Variants in GABRR1 observed in about 807,000 individuals in gnomAD.
GABRR1 encodes gamma-aminobutyric acid receptor subunit rho-1.
In GABRR1, 59 loss-of-function variants were observed where a neutral mutation model predicts 55.5. The ratio of observed to expected loss-of-function variants is 1.06; its 90% CI spans 0.86 to 1.32. The LOEUF (loss-of-function observed/expected upper bound fraction) is 1.32. GABRR1 is among the 40% of genes most tolerant of loss of function. GABRR1 has a pLI of 0.00. For missense variants in GABRR1, 602 were observed against 619.1 expected (o/e 0.97, Z 0.29); for synonymous variants, 213 against 226.0 (o/e 0.94, Z 0.51).
intron 1 of GABRR1, among the ~76,000 whole-genome samples, chr6:89,205,148 C>T (rs1013077429): frequency 6.6e-6 from 1 of 152,152 alleles, no homozygotes; most frequent in Non-Finnish European, 1.5e-5. Flanking sequence ...GTCATTATCC[C>T]CATTTTATAT....
At chr6:89,214,334 G>T (rs1397090787) in intron 1 of GABRR1, among the ~76,000 whole-genome samples, 1 of 90,206 alleles carries the variant, frequency 1.1e-5, no homozygotes, top group African/African-American at 4.8e-5. Context: ...CACAATATTG[G>T]TCTAGGCAGT....
chr6:89,219,302 A>G (rs1773077689), upstream of GABRR1, among the ~76,000 whole-genome samples: 1 of 152,172 alleles, frequency 6.6e-6, no homozygotes, highest in African/African-American at 2.4e-5. Flanking sequence ...CACTTTTAGA[A>G]GTCCAAGCTA....
intron 1 of GABRR1, among the ~76,000 whole-genome samples, chr6:89,227,000 C>G (rs1316108849): frequency 2.3e-5 from 1 of 44,000 alleles, no homozygotes; most frequent in Non-Finnish European, 4.0e-5. Context: ...AAGTTGGATT[C>G]CTAGGTATTT....
intron 1 of GABRR1, among the ~76,000 whole-genome samples, chr6:89,213,679 A>G (rs967031392): frequency 6.6e-6 from 1 of 152,242 alleles, no homozygotes; most frequent in South Asian, 2.1e-4. Flanking sequence ...TCAAATGATA[A>G]TTCTATTGAC....
chr6:89,206,151 A>G (rs1342447678), intron 1 of GABRR1, among the ~76,000 whole-genome samples: 1 of 151,854 alleles, frequency 6.6e-6, no homozygotes, highest in African/African-American at 2.4e-5. Flanking sequence ...TACTTAGCAT[A>G]TGGGAGGCAG....
rs78579027 is a variant in GABRR1, at chr6:89,205,301, A to C, written c.123-1816T>G. 1.3e-3 allele frequency among the ~76,000 whole-genome samples: 204 copies of C among 152,324 alleles called. 1 individual carries two copies. The highest frequency in any genetic ancestry group is 4.7e-3 in the African/African-American group (194 of 41,574). ...AAGATTTGCCTCCCACTGCCAGGAA[A>C]TTGGCTTAGATGTGGAAGGTCTGAG... On this transcript the variant is annotated intron_variant, in intron 1 of 9. Coordinates refer to ENST00000454853, the MANE Select transcript of GABRR1 (RefSeq NM_002042.5).
Position 89,203,395 on chromosome 6 carries a change from A to G in GABRR1, c.173+40T>C, listed in dbSNP as rs748283657. 6 of 1,573,770 alleles carry G rather than the reference A, an allele frequency of 3.8e-6. No individual in the cohort carries two copies. The African/African-American group carries it at 8.1e-5, about 21-fold the overall frequency. On this transcript the variant is annotated intron_variant, in intron 2 of 9. Coordinates refer to ENST00000454853, the MANE Select transcript of GABRR1 (RefSeq NM_002042.5). ...TCACTACAGTTGAGGTTCACGGAGGAAACATCTGCAGAACAGTGTGCACGT... is the reference window on the plus strand; with the variant it reads ...TCACTACAGTTGAGGTTCACGGAGGGAACATCTGCAGAACAGTGTGCACGT...
At chr6:89,207,080 T>C (rs1355580834) in intron 1 of GABRR1, among the ~76,000 whole-genome samples, 1 of 152,198 alleles carries the variant, frequency 6.6e-6, no homozygotes, top group East Asian at 1.9e-4. Flanking sequence ...TAAATTAGAC[T>C]CAAGAGACAT....
chr6:89,196,822 G>GGAAGGAAAGAAAGAAAGAAAGAAA (rs1262381146), intron 5 of GABRR1, among the ~76,000 whole-genome samples: 5 of 91,122 alleles, frequency 5.5e-5, no homozygotes, highest in South Asian at 4.8e-4. Context: ...AAGAAAAGAA[G>GGAAGGAAAGAAAGAAAGAAAGAAA]GAAAGAAAGA....
At chr6:89,197,559 A>G (rs556136574) in intron 5 of GABRR1, among the ~76,000 whole-genome samples, 1 of 152,378 alleles carries the variant, frequency 6.6e-6, no homozygotes, top group African/African-American at 2.4e-5. Flanking sequence ...ATGGCACGTC[A>G]AGTCATAAAG....
At chr6:89,218,443 T>C (rs1470299434), upstream of GABRR1, among the ~76,000 whole-genome samples, 1 of 152,262 alleles carries the variant, frequency 6.6e-6, no homozygotes, top group East Asian at 1.9e-4. Context: ...TTGTGCTATC[T>C]GTAATTCACA....
rs540034882 is a variant in GABRR1, at chr6:89,184,577, G to A, written c.796+733C>T. Among the ~76,000 whole-genome samples the A allele has an allele frequency of 4.5e-4, 68 of 152,262 alleles. No homozygotes were observed. The South Asian group carries it at 0.013, about 30-fold the overall frequency. On this transcript the variant is annotated intron_variant, in intron 7 of 9. Coordinates refer to ENST00000454853, the MANE Select transcript of GABRR1 (RefSeq NM_002042.5). ...TAGCAAGAGCAGACTGGTCAAGAGT[G>A]GAGCGACCCCACGGGGCTGGCTGGA...
In GABRR1 at chr6:89,178,652, G is replaced by A; in HGVS notation, c.*118C>T. On this transcript the variant is annotated 3_prime_UTR_variant, in exon 10 of 10. Transcript: ENST00000454853. ...TTTGGAAAGCTGCAGAAGGGATAGTGAAAACATGGGTGGGTCCTGGGATTT... is the reference window on the plus strand; with the variant it reads ...TTTGGAAAGCTGCAGAAGGGATAGTAAAAACATGGGTGGGTCCTGGGATTT... 2 of 834,908 alleles carry A rather than the reference G, an allele frequency of 2.4e-6. No individual in the cohort carries two copies. The highest frequency in any genetic ancestry group is 3.7e-6 in the Non-Finnish European group (2 of 541,772). 51.7% of individuals were successfully genotyped at this position (834,908 alleles called of 1,614,324 possible). A position where few individuals can be genotyped will look rare whatever the true frequency, so the allele number is the denominator to read the frequency against.
intron 5 of GABRR1, among the ~76,000 whole-genome samples, chr6:89,191,990 C>T (rs1300203722): frequency 4.0e-5 from 6 of 151,196 alleles, no homozygotes; most frequent in Admixed American, 6.6e-5. Flanking sequence ...TGCAGTGAGC[C>T]GAGATCGCAT....
upstream of GABRR1, among the ~76,000 whole-genome samples, chr6:89,218,242 G>A (rs62416275): frequency 0.13 from 20,025 of 152,154 alleles, 1,825 homozygotes; most frequent in Middle Eastern, 0.24. Context: ...CCGGTAAACT[G>A]AGTCAGGATT....
Position 89,190,373 on chromosome 6 carries a change from T to C in GABRR1, c.573-126A>G, listed in dbSNP as rs568066644. ...GCCTCTTCTCATACTTCATAAGCAA[T>C]GTGTCAGGGTTTAGATAAGTAGCTT... On this transcript the variant is annotated intron_variant, in intron 5 of 9. Coordinates refer to ENST00000454853, the MANE Select transcript of GABRR1 (RefSeq NM_002042.5). 3.6e-4 allele frequency: 212 copies of C among 588,060 alleles called. 1 individual carries two copies. Among genetic ancestry groups the C allele is most frequent in the African/African-American group, 3.0e-3 (160 of 53,002 alleles). The allele number at this position is 588,060 out of a possible 1,614,324, so 36.4% of individuals were successfully genotyped here.
upstream of GABRR1, among the ~76,000 whole-genome samples, chr6:89,220,903 A>T (rs1403163402): frequency 6.6e-6 from 1 of 152,184 alleles, no homozygotes; most frequent in South Asian, 2.1e-4. Flanking sequence ...TATTTTTAGT[A>T]GAGACGGGGT....
intron 1 of GABRR1, among the ~76,000 whole-genome samples, chr6:89,214,311 A>G (rs949140479): frequency 2.1e-5 from 1 of 47,374 alleles, no homozygotes; most frequent in East Asian, 2.6e-4. Flanking sequence ...AGGAAAATAT[A>G]GGAGAAAAGT....
At chr6:89,217,946 A>C (rs2127809918), upstream of GABRR1, among the ~76,000 whole-genome samples, 1 of 152,182 alleles carries the variant, frequency 6.6e-6, no homozygotes, top group South Asian at 2.1e-4. Context: ...GAAACAAGTA[A>C]ATTTCCTTGT....
Sources: gnomAD v4.1 joint callset for allele counts (sites outside exome capture counted in the v4.1 genomes callset) on GRCh38, gnomAD v4.1.1 for gene constraint, MANE v1.5 for transcripts, NCBI Gene and HGNC (gene_info 2026-07-23, HGNC 2026-07-21) for gene names.